LRP2BP: variants seen among roughly 807,000 people sequenced by gnomAD.
LRP2BP encodes the protein LRP2-binding protein.
A neutral mutation model predicts 45.2 loss-of-function variants in LRP2BP; 38 were observed. The observed-to-expected ratio is 0.84, with a 90% CI of 0.65 to 1.10. The LOEUF (loss-of-function observed/expected upper bound fraction) is 1.10. Ranked by LOEUF, LRP2BP falls within the 50% of genes least tolerant of loss-of-function variation. The pLI is 0.00. For missense variants in LRP2BP, 385 were observed against 418.9 expected (o/e 0.92, Z 0.71); for synonymous variants, 153 against 153.9 (o/e 0.99, Z 0.04).
At chr4:185,369,842 G>A (rs780133489) in intron 8 of LRP2BP, 16 of 413,154 alleles carry the variant, frequency 3.9e-5, no homozygotes, top group Non-Finnish European at 6.2e-5. Flanking sequence ...AAAGATCCTC[G>A]GGTGATTTTA....
chr4:185,371,900 G>A (rs1033715791), intron 7 of LRP2BP, among the ~76,000 whole-genome samples: 1 of 152,036 alleles, frequency 6.6e-6, no homozygotes, highest in African/African-American at 2.4e-5. Flanking sequence ...GAGACCTGGC[G>A]CTGTGGGAAG....
chr4:185,377,882 T>C lies in LRP2BP; in HGVS notation c.106+199A>G, dbSNP rs2095443385. 5 of 524,422 alleles carry C rather than the reference T, an allele frequency of 9.5e-6. No homozygotes were observed. The South Asian group carries it at 1.4e-4, about 15-fold the overall frequency. The allele number at this position is 524,422 out of a possible 1,614,324, so 32.5% of individuals were successfully genotyped here. ...TGAGAGTAAAATCAAGACCTAACTA[T>C]CTGTGAGACCTCACTGACGATTTGC... On this transcript the variant is annotated intron_variant, in intron 2 of 8. Transcript: ENST00000505916.
chr4:185,368,082 C>G (rs113841837), intron 8 of LRP2BP, among the ~76,000 whole-genome samples: 7,430 of 152,020 alleles, frequency 0.049, 235 homozygotes, highest in South Asian at 0.089. Context: ...GGAGGCTGAG[C>G]CAGGAGAATG....
chr4:185,370,903 T>C, intron 7 of LRP2BP, 89 bp from the exon 8 acceptor site: 1 of 1,382,204 alleles, frequency 7.2e-7, no homozygotes, highest in Non-Finnish European at 1.0e-6. Flanking sequence ...TCCTTGTGCC[T>C]GAAGTGATTT....
Position 185,376,908 on chromosome 4 carries a change from C to A in LRP2BP, c.216+1G>T. 6.3e-7 allele frequency: 1 copy of A among 1,598,940 alleles called. No individual in the cohort carries two copies. Among genetic ancestry groups the A allele is most frequent in the Non-Finnish European group, 8.6e-7 (1 of 1,167,654 alleles). ...GAAAACGAATAAACAAAAAATGATA[C>A]CTCTTCAAAATATAGTTGACCTCGT... On this transcript the variant is annotated splice_donor_variant, in intron 3 of 8. Coordinates refer to ENST00000505916, the MANE Select transcript of LRP2BP (RefSeq NM_001377440.1). LOFTEE classifies it high-confidence loss of function.
chr4:185,371,248 A>G (rs1008753192), intron 7 of LRP2BP, among the ~76,000 whole-genome samples: 2 of 152,196 alleles, frequency 1.3e-5, no homozygotes, highest in Non-Finnish European at 2.9e-5. Flanking sequence ...TTCTTTAAAA[A>G]TAGACAATTG....
At chr4:185,382,237 A>T (rs963124004) in intron 1 of LRP2BP, among the ~76,000 whole-genome samples, 1 of 152,166 alleles carries the variant, frequency 6.6e-6, no homozygotes, top group Non-Finnish European at 1.5e-5. Context: ...ACATTTCATT[A>T]TATGGATTTT....
At chr4:185,375,487 A>AAAAAAAATATATATATAT (rs1554018308) in intron 4 of LRP2BP, 126 bp downstream of exon 4, 1 of 12,016 alleles carries the variant, frequency 8.3e-5, no homozygotes, top group African/African-American at 2.9e-4. Flanking sequence ...AAAAAAAAAA[A>AAAAAAAATATATATATAT]ATATATATAT....
rs753522608 is a variant in LRP2BP, at chr4:185,368,035, A to G, written c.979-790T>C. On this transcript the variant is annotated intron_variant, in intron 8 of 8. Coordinates refer to ENST00000505916, the MANE Select transcript of LRP2BP (RefSeq NM_001377440.1). The stretch of plus-strand genomic sequence containing the variant: ...TCTACTAAAAATACAAAAATTAGCC[A>G]GGCGTGGTGGTGGGCGCCTGTGGTG... Among the ~76,000 whole-genome samples, 5 of 152,180 alleles carry G rather than the reference A, an allele frequency of 3.3e-5. No individual in the cohort carries two copies. In the East Asian group the frequency reaches 5.8e-4, roughly 18 times the overall value.
intron 1 of LRP2BP, among the ~76,000 whole-genome samples, chr4:185,392,861 A>C (rs1457217586): frequency 2.0e-5 from 3 of 152,230 alleles, no homozygotes; most frequent in African/African-American, 7.2e-5. Context: ...GTTTGACTTC[A>C]ATGCTTTGGC....
chr4:185,391,923 A>T (rs1311237201), intron 1 of LRP2BP, among the ~76,000 whole-genome samples: 1 of 152,240 alleles, frequency 6.6e-6, no homozygotes, highest in Non-Finnish European at 1.5e-5. Flanking sequence ...ACACACACCT[A>T]TAATTATTTC....
intron 1 of LRP2BP, among the ~76,000 whole-genome samples, chr4:185,380,827 T>C (rs1195596613): frequency 6.6e-6 from 1 of 152,112 alleles, no homozygotes; most frequent in Non-Finnish European, 1.5e-5. Context: ...CTTTCAGATT[T>C]TCCATCGTTT....
chr4:185,368,051 G>C (rs949566114), intron 8 of LRP2BP, among the ~76,000 whole-genome samples: 2 of 152,238 alleles, frequency 1.3e-5, no homozygotes, highest in African/African-American at 4.8e-5. Context: ...GGTGGTGGGC[G>C]CCTGTGGTGC....
chr4:185,375,490 ATATAT>A (rs2095431825), intron 4 of LRP2BP, 118 bp downstream of exon 4: 5 of 49,098 alleles, frequency 1.0e-4, no homozygotes, highest in Admixed American at 2.7e-4. Context: ...AAAAAAAAAT[ATATAT>A]ATATATATAT....
At chr4:185,396,586 C>G, upstream of LRP2BP, 1 of 325,488 alleles carries the variant, frequency 3.1e-6, no homozygotes, top group Non-Finnish European at 5.6e-6. Flanking sequence ...CGGGCCCCGC[C>G]CCGAGGTGGG....
At chr4:185,373,203 G>T in intron 6 of LRP2BP, 124 bp from the exon 7 acceptor site, 1 of 903,620 alleles carries the variant, frequency 1.1e-6, no homozygotes, top group Non-Finnish European at 1.7e-6. Context: ...AGGAAAGAGC[G>T]GTAGGCCTTT....
At chr4:185,396,687 A>C (rs997417634), upstream of LRP2BP, 4 of 527,112 alleles carry the variant, frequency 7.6e-6, no homozygotes, top group Non-Finnish European at 1.3e-5. Flanking sequence ...TCCACGTGCC[A>C]GTGTTTGTGT....
chr4:185,373,994 C>G, intron 6 of LRP2BP, 141 bp downstream of exon 6: 1 of 705,018 alleles, frequency 1.4e-6, no homozygotes, highest in East Asian at 2.8e-5. Flanking sequence ...GCTTTGAGAT[C>G]CTAAAATGTA....
At chr4:185,376,760 T>C in intron 3 of LRP2BP, 149 bp downstream of exon 3, 1 of 600,056 alleles carries the variant, frequency 1.7e-6, no homozygotes, top group South Asian at 2.2e-5. Context: ...GGCAGCACTG[T>C]ATCCTACTGT....
Sources: allele counts gnomAD v4.1 joint callset (sites outside exome capture counted in the v4.1 genomes callset), GRCh38; gene constraint gnomAD v4.1.1; transcripts MANE v1.5; gene names NCBI Gene and HGNC (gene_info 2026-07-23, HGNC 2026-07-21).